The following ARHGEF10L variants were observed in gnomAD, a reference collection of about 807,000 sequenced individuals.
ARHGEF10L encodes Rho guanine nucleotide exchange factor 10 like, also known as rho guanine nucleotide exchange factor 10-like protein.
Under a neutral mutation model 141.2 loss-of-function variants are expected in ARHGEF10L, and 69 were observed. The ratio of observed to expected loss-of-function variants is 0.49; its 90% CI spans 0.40 to 0.60. The LOEUF (loss-of-function observed/expected upper bound fraction) is 0.60. Among genes scored for constraint, ARHGEF10L ranks in the 20% least tolerant of loss-of-function variants. The pLI, the probability that ARHGEF10L is intolerant of heterozygous loss-of-function variation, is 0.00. For synonymous variants in ARHGEF10L, 711 were observed against 718.5 expected (o/e 0.99, Z 0.17); for missense variants, 1,482 against 1,734.3 (o/e 0.85, Z 2.58).
At chr1:17,613,887 G>C (rs1347286376) in intron 8 of ARHGEF10L, among the ~76,000 whole-genome samples, 1 of 152,144 alleles carries the variant, frequency 6.6e-6, no homozygotes, top group Non-Finnish European at 1.5e-5. Flanking sequence ...CCCTGCCTTT[G>C]AAATGGGGGC....
Position 17,580,553 on chromosome 1 carries a change from G to A in ARHGEF10L, c.-43G>A, listed in dbSNP as rs1193959533. 3.7e-6 allele frequency: 6 copies of A among 1,613,740 alleles called. No individual in the cohort carries two copies. Among genetic ancestry groups the A allele is most frequent in the Non-Finnish European group, 5.1e-6 (6 of 1,179,736 alleles). On this transcript the variant is annotated splice_region_variant and 5_prime_UTR_variant, in exon 2 of 29. In the 5' UTR this introduces an upstream ATG that the reference lacks. Coordinates refer to ENST00000361221, the MANE Select transcript of ARHGEF10L (RefSeq NM_018125.4). ...GCGATTTCTGGTCTTCTTTCCACAG[G>A]TGTGTAGCTGGGACGGTGCTGGTCT...
rs1475269512 is a variant in ARHGEF10L at position 17,656,595 on chromosome 1, T to C, written c.2747T>C (p.Leu916Pro). 6 of 1,613,078 alleles carry C rather than the reference T, an allele frequency of 3.7e-6. No homozygotes were observed. The highest frequency in any genetic ancestry group is 5.1e-6 in the Non-Finnish European group (6 of 1,179,872). ...YSSVDTGTQC[L>P]VSCRSPGLQP... is the part of the protein sequence containing the mutation. ...AGTGTGGACACTGGCACCCAGTGCCTGGTGAGCTGCAGGAGCCCAGGTCTG... is the reference window on the plus strand; with the variant it reads ...AGTGTGGACACTGGCACCCAGTGCCCGGTGAGCTGCAGGAGCCCAGGTCTG... The change falls in exon 25 of 29, where the codon CTG (leucine) becomes CCG (proline). Residue 916 changes from leucine (L) to proline (P), a missense_variant. Coordinates refer to ENST00000361221, the MANE Select transcript of ARHGEF10L (RefSeq NM_018125.4). This position sits in a 1 kb window ranked among gnomAD's most constrained non-coding sequence, Gnocchi z 4.9.
chr1:17,655,551 A>C (rs1355405897), intron 23 of ARHGEF10L, among the ~76,000 whole-genome samples: 1 of 152,228 alleles, frequency 6.6e-6, no homozygotes, highest in African/African-American at 2.4e-5. Flanking sequence ...AGGTAAAACA[A>C]TGGTCAACAC....
intron 4 of ARHGEF10L, 127 bp downstream of exon 4, chr1:17,588,606 A>C: frequency 1.7e-6 from 2 of 1,176,632 alleles, no homozygotes; most frequent in Non-Finnish European, 2.5e-6. Flanking sequence ...AAAGCATTTC[A>C]CTGAGGCCCT....
At chr1:17,614,327 C>G (rs2059694034) in intron 8 of ARHGEF10L, among the ~76,000 whole-genome samples, 1 of 152,202 alleles carries the variant, frequency 6.6e-6, no homozygotes, top group Non-Finnish European at 1.5e-5. Flanking sequence ...GAGAGGTGCC[C>G]AGAGCTAGAG....
At chr1:17,630,664 G>T (rs907771104) in intron 15 of ARHGEF10L, among the ~76,000 whole-genome samples, 6 of 152,218 alleles carry the variant, frequency 3.9e-5, no homozygotes, top group African/African-American at 1.4e-4. Context: ...GTCTCAGCGA[G>T]TCACTTTACC....
the ARHGEF10L span, among the ~76,000 whole-genome samples, chr1:17,525,951 G>A: frequency 6.7e-6 from 1 of 148,412 alleles, no homozygotes; most frequent in Non-Finnish European, 1.5e-5. Context: ...GCAGTGAGCT[G>A]AGATCCCACC....
rs1027256287 is a variant in ARHGEF10L at position 17,627,165 on chromosome 1, G to A, written c.1411-165G>A. On this transcript the variant is annotated intron_variant, in intron 14 of 28. Transcript: ENST00000361221. The surrounding 1 kb of genome is among the most constrained non-coding windows in gnomAD (Gnocchi z 4.0). The stretch of plus-strand genomic sequence containing the variant: ...TTGTTTTCTTTTTCATGCATTAGCT[G>A]TTTCTTGAGGTCTTGTTCTGCATCT... 7.2e-5 allele frequency among the ~76,000 whole-genome samples: 11 copies of A among 152,240 alleles called. No homozygotes were observed. Among genetic ancestry groups the A allele is most frequent in the African/African-American group, 4.8e-5 (2 of 41,464 alleles).
At position 17,558,686 on chromosome 1, in the gene ARHGEF10L, G is replaced by A. The variant is rs1326037038; in HGVS notation, c.-44+18736G>A. ...CTCTTTTGACACTCAGGTTCTCTTT[G>A]GTTTTGCAAGTGGTCCCACGAGGTC... On this transcript the variant is annotated intron_variant, in intron 1 of 28. Transcript: ENST00000361221. This position sits in a 1 kb window ranked among gnomAD's most constrained non-coding sequence, Gnocchi z 4.2. Among the ~76,000 whole-genome samples the A allele has an allele frequency of 2.0e-5, 3 of 152,212 alleles. No homozygotes were observed. The highest frequency in any genetic ancestry group is 4.4e-5 in the Non-Finnish European group (3 of 68,042).
In ARHGEF10L at chr1:17,558,150, TATCC is replaced by T. The variant is rs2077411579; in HGVS notation, c.-44+18212_-44+18215del. Among the ~76,000 whole-genome samples, 1 of 151,742 alleles carries T rather than the reference TATCC, an allele frequency of 6.6e-6. No homozygotes were observed. Among genetic ancestry groups the T allele is most frequent in the African/African-American group, 2.4e-5 (1 of 41,300 alleles). The stretch of plus-strand genomic sequence containing the variant: ...CCATTCACTCATCCATTCATCCATT[TATCC>T]ATCCATCCATCTATGCATCCATCCA... On this transcript the variant is annotated intron_variant, in intron 1 of 28. Coordinates refer to ENST00000361221, the MANE Select transcript of ARHGEF10L (RefSeq NM_018125.4). The surrounding 1 kb of genome is among the most constrained non-coding windows in gnomAD (Gnocchi z 4.2).
intron 1 of ARHGEF10L, among the ~76,000 whole-genome samples, chr1:17,552,268 C>T (rs796409188): frequency 3.3e-4 from 51 of 152,320 alleles, no homozygotes; most frequent in African/African-American, 1.2e-3. Context: ...GCAGGTGTCT[C>T]ACCTCTCTGC....
rs529738926 is a variant in ARHGEF10L, at chr1:17,673,764, G to C, written c.3009+9169G>C. Among the ~76,000 whole-genome samples, 9 of 152,296 alleles carry C rather than the reference G, an allele frequency of 5.9e-5. No individual in the cohort carries two copies. Among genetic ancestry groups the C allele is most frequent in the Admixed American group, 2.6e-4 (4 of 15,308 alleles). ...GCTGGCCTTCCCACTGATGGCCTCA[G>C]TTTCCTTCCTGTAAAATGGGGGATA... On this transcript the variant is annotated intron_variant, in intron 26 of 28. Coordinates refer to ENST00000361221, the MANE Select transcript of ARHGEF10L (RefSeq NM_018125.4). This position sits in a 1 kb window ranked among gnomAD's most constrained non-coding sequence, Gnocchi z 4.1.
chr1:17,627,191 G>C lies in ARHGEF10L; in HGVS notation c.1411-139G>C. The C allele has an allele frequency of 1.1e-6, 1 of 888,626 alleles. No individual in the cohort carries two copies. Among genetic ancestry groups the C allele is most frequent in the Non-Finnish European group, 1.7e-6 (1 of 582,576 alleles). 55.0% of individuals were successfully genotyped at this position (888,626 alleles called of 1,614,324 possible). A position where few individuals can be genotyped will look rare whatever the true frequency, so the allele number is the denominator to read the frequency against. ...TTTCTTGAGGTCTTGTTCTGCATCT[G>C]GTGCCATCTGTCCTGGCCTCAGGCC... On this transcript the variant is annotated intron_variant, in intron 14 of 28. Transcript: ENST00000361221. This position sits in a 1 kb window ranked among gnomAD's most constrained non-coding sequence, Gnocchi z 4.0.
chr1:17,666,403 A>G lies in ARHGEF10L; in HGVS notation c.3009+1808A>G, dbSNP rs745478874. 9.2e-5 allele frequency among the ~76,000 whole-genome samples: 14 copies of G among 152,276 alleles called. No homozygotes were observed. The East Asian group carries it at 1.7e-3, about 19-fold the overall frequency. On this transcript the variant is annotated intron_variant, in intron 26 of 28. Transcript: ENST00000361221. ...AGAAGGGAGAGGCAGTGCCATGTGC[A>G]GGACCAGTGGGTGAGCTTTTGCTCT...
At chr1:17,540,110 C>T (rs1241465995) in intron 1 of ARHGEF10L, among the ~76,000 whole-genome samples, 160 bp downstream of exon 1, 1 of 152,044 alleles carries the variant, frequency 6.6e-6, no homozygotes, top group Non-Finnish European at 1.5e-5. Context: ...GTCCCTGTGT[C>T]TGGGTGTGAG....
In ARHGEF10L at chr1:17,617,223, A is replaced by C. The variant is rs141150493; in HGVS notation, c.835+1021A>C. ...ACCCCATTAGAGGGTTTTACGCAGA[A>C]GCGTCCCATGGTCAGATTTGATCAA... On this transcript the variant is annotated intron_variant, in intron 9 of 28. Coordinates refer to ENST00000361221, the MANE Select transcript of ARHGEF10L (RefSeq NM_018125.4). 2.0e-5 allele frequency among the ~76,000 whole-genome samples: 3 copies of C among 152,348 alleles called. No homozygotes were observed. In the East Asian group the frequency reaches 5.8e-4, roughly 29 times the overall value.
At chr1:17,585,293 C>T (rs556340359) in intron 2 of ARHGEF10L, among the ~76,000 whole-genome samples, 1 of 152,244 alleles carries the variant, frequency 6.6e-6, no homozygotes, top group South Asian at 2.1e-4. Flanking sequence ...GGGTTCCAGT[C>T]CATCCCCATC....
chr1:17,582,879 C>T (rs542288303), intron 2 of ARHGEF10L, among the ~76,000 whole-genome samples: 2 of 152,180 alleles, frequency 1.3e-5, no homozygotes, highest in African/African-American at 4.8e-5. Context: ...CCACTGGATG[C>T]TGGGAGCTGC....
At chr1:17,635,880 T>G (rs894089244) in intron 18 of ARHGEF10L, among the ~76,000 whole-genome samples, 2 of 152,148 alleles carry the variant, frequency 1.3e-5, no homozygotes, top group African/African-American at 4.8e-5. Flanking sequence ...GCACTGGGGT[T>G]TCACTTCCCC....
Sources: allele counts gnomAD v4.1 joint callset (sites outside exome capture counted in the v4.1 genomes callset), GRCh38; gene constraint gnomAD v4.1.1; non-coding constraint Gnocchi (gnomAD v3.1); transcripts MANE v1.5; gene names NCBI Gene and HGNC (gene_info 2026-07-23, HGNC 2026-07-21).